The following CAMTA1 variants were observed in gnomAD, a reference collection of about 807,000 sequenced individuals.
CAMTA1 encodes the protein calmodulin-binding transcription activator 1.
A neutral mutation model predicts 170.9 loss-of-function variants in CAMTA1; 27 were observed. The ratio of observed to expected loss-of-function variants is 0.16; its 90% CI spans 0.12 to 0.22. The LOEUF is 0.22. Ranked by LOEUF, CAMTA1 falls within the 10% of genes least tolerant of loss-of-function variation. The probability of loss-of-function intolerance (pLI) is 1.00; values close to 1 mark genes in which losing one functional copy is unlikely to be tolerated. For missense variants in CAMTA1, 1,619 were observed against 2,217.2 expected (o/e 0.73, Z 5.42); for synonymous variants, 833 against 891.5 (o/e 0.93, Z 1.17).
At chr1:7,153,041 T>C (rs1359199964) in intron 4 of CAMTA1, among the ~76,000 whole-genome samples, 4 of 152,214 alleles carry the variant, frequency 2.6e-5, no homozygotes, top group African/African-American at 9.6e-5. Flanking sequence ...CTCGAGGTCA[T>C]TTCATAGACA....
At chr1:7,618,317 C>T (rs1388945114) in intron 6 of CAMTA1, among the ~76,000 whole-genome samples, 2 of 152,224 alleles carry the variant, frequency 1.3e-5, no homozygotes, top group African/African-American at 4.8e-5. Context: ...AGATTCCACC[C>T]TGTGCCAAGC....
chr1:6,830,975 C>A (rs1465028357), intron 3 of CAMTA1, among the ~76,000 whole-genome samples: 1 of 151,930 alleles, frequency 6.6e-6, no homozygotes, highest in African/African-American at 2.4e-5. Flanking sequence ...CCCGTCACCA[C>A]GCCCAGCCAA....
In CAMTA1 at chr1:7,614,056, C is replaced by T. The variant is rs116013001; in HGVS notation, c.511-26344C>T. ...GCGATGGGTGGTTGGGGAGGTGGAA[C>T]CCAGAGGTAGGGGTGGGAGGAGAGG... On this transcript the variant is annotated intron_variant, in intron 6 of 22. Transcript: ENST00000303635. Among the ~76,000 whole-genome samples, 1,144 of 145,536 alleles carry T rather than the reference C, an allele frequency of 7.9e-3. 12 individuals carry two copies. The highest frequency in any genetic ancestry group is 0.027 in the African/African-American group (1,051 of 38,296).
chr1:7,000,693 T>G (rs966725871), intron 3 of CAMTA1, among the ~76,000 whole-genome samples: 1 of 152,192 alleles, frequency 6.6e-6, no homozygotes, highest in African/African-American at 2.4e-5. Context: ...TATGTTTCCT[T>G]TCAGGTTCAT....
chr1:7,625,908 G>T (rs2095630357), intron 6 of CAMTA1, among the ~76,000 whole-genome samples: 1 of 152,232 alleles, frequency 6.6e-6, no homozygotes, highest in African/African-American at 2.4e-5. Context: ...GAGGCTTACA[G>T]GTTATCAGCG....
intron 5 of CAMTA1, among the ~76,000 whole-genome samples, chr1:7,358,546 C>CCCCGT (rs58916488): frequency 1.7e-4 from 26 of 152,232 alleles, no homozygotes; most frequent in Admixed American, 1.4e-3. Flanking sequence ...GCATGCCCCG[C>CCCCGT]GCCACCCCTG....
In CAMTA1 at chr1:7,737,518, C is replaced by A. The variant is rs772396197; in HGVS notation, c.3606C>A (p.Ile1202=). Residue 1202 remains isoleucine (I), a synonymous_variant, in exon 15 of 23, where the codon ATC becomes ATA. Transcript: ENST00000303635. ...TGGCCCAGTGGCACAGCGAAGCCAT[C>A]AGCTCTCCAGAAATACCCAAGGGAG... The part of the protein sequence containing the change: ...SWMAQWHSEA[I]SSPEIPKGVT... 4.3e-6 allele frequency: 7 copies of A among 1,613,948 alleles called. No individual in the cohort carries two copies. The highest frequency in any genetic ancestry group is 5.9e-6 in the Non-Finnish European group (7 of 1,179,992).
At chr1:6,786,006 G>C (rs928171201) in intron 1 of CAMTA1, among the ~76,000 whole-genome samples, 1 of 151,384 alleles carries the variant, frequency 6.6e-6, no homozygotes, top group African/African-American at 2.4e-5. Context: ...TATCCGCCTC[G>C]GGTCCTCCTG....
At chr1:7,336,410 G>T (rs747187144) in intron 5 of CAMTA1, among the ~76,000 whole-genome samples, 1 of 152,364 alleles carries the variant, frequency 6.6e-6, no homozygotes, top group Non-Finnish European at 1.5e-5. Context: ...CAGACCAGGC[G>T]AATTGACTTG....
chr1:7,159,407 C>T (rs1647072373), intron 4 of CAMTA1, among the ~76,000 whole-genome samples: 1 of 152,020 alleles, frequency 6.6e-6, no homozygotes, highest in Non-Finnish European at 1.5e-5. Flanking sequence ...CTTCTCCAGC[C>T]CAAACAGAAG....
At chr1:7,576,684 C>T (rs1324505908) in intron 6 of CAMTA1, among the ~76,000 whole-genome samples, 1 of 152,110 alleles carries the variant, frequency 6.6e-6, no homozygotes, top group African/African-American at 2.4e-5. Flanking sequence ...TGGACTAAGA[C>T]ATGTGAGGTG....
At chr1:7,270,291 A>ATATTTTTTT (rs1336977888) in intron 5 of CAMTA1, among the ~76,000 whole-genome samples, 1 of 110,570 alleles carries the variant, frequency 9.0e-6, no homozygotes, top group African/African-American at 3.4e-5. Flanking sequence ...ATATATATAT[A>ATATTTTTTT]TTTTTTTTTT....
intron 5 of CAMTA1, among the ~76,000 whole-genome samples, chr1:7,367,050 A>G (rs2086026442): frequency 6.6e-6 from 1 of 152,122 alleles, no homozygotes; most frequent in Non-Finnish European, 1.5e-5. Flanking sequence ...TATCCTGCTG[A>G]CAGGAGCTTT....
intron 3 of CAMTA1, among the ~76,000 whole-genome samples, chr1:6,943,846 CAAAAAAAAAAA>C (rs1198830005): frequency 3.9e-5 from 2 of 51,700 alleles, no homozygotes; most frequent in Non-Finnish European, 7.6e-5. Context: ...GACTCTGTCT[CAAAAAAAAAAA>C]AAAAAAAAAA....
In CAMTA1 at chr1:7,736,055, A is replaced by G. The variant is rs570713192; in HGVS notation, c.3067-289A>G. ...CTCCCAAAGTGCTGGGATTTCAGGC[A>G]TGAGCCACTGTGCGCAGCCTAAATT... is the stretch of plus-strand genomic sequence containing the variant. On this transcript the variant is annotated intron_variant, in intron 12 of 22. Transcript: ENST00000303635. The surrounding 1 kb of genome is among the most constrained non-coding windows in gnomAD (Gnocchi z 4.5). Among the ~76,000 whole-genome samples the G allele has an allele frequency of 3.0e-4, 45 of 152,148 alleles. No individual in the cohort carries two copies. In the South Asian group the frequency reaches 6.7e-3, roughly 22 times the overall value.
intron 4 of CAMTA1, among the ~76,000 whole-genome samples, chr1:7,150,057 G>A (rs1470286455): frequency 1.3e-5 from 2 of 152,174 alleles, no homozygotes; most frequent in African/African-American, 4.8e-5. Flanking sequence ...AGCAGCAGCC[G>A]CTGCTGTTCG....
chr1:7,420,288 G>GGCA (rs987038263), intron 5 of CAMTA1, among the ~76,000 whole-genome samples: 5 of 152,202 alleles, frequency 3.3e-5, no homozygotes, highest in East Asian at 1.9e-4. Context: ...TCACCCCAGC[G>GGCA]GAGAGACCTT....
intron 5 of CAMTA1, among the ~76,000 whole-genome samples, chr1:7,450,091 C>T (rs1413749963): frequency 6.6e-6 from 1 of 152,148 alleles, no homozygotes; most frequent in Non-Finnish European, 1.5e-5. Flanking sequence ...GATGCGGCCC[C>T]CTTGGGGACT....
chr1:7,301,120 C>T (rs1674691478), intron 5 of CAMTA1, among the ~76,000 whole-genome samples: 1 of 152,114 alleles, frequency 6.6e-6, no homozygotes, highest in Non-Finnish European at 1.5e-5. Context: ...GACAGAGGAG[C>T]CACAGCCAGC....
Sources: gnomAD v4.1 joint callset for allele counts (sites outside exome capture counted in the v4.1 genomes callset) on GRCh38, gnomAD v4.1.1 for gene constraint, Gnocchi (gnomAD v3.1) non-coding constraint, MANE v1.5 for transcripts, NCBI Gene and HGNC (gene_info 2026-07-23, HGNC 2026-07-21) for gene names.